ACTR1A: variants seen among roughly 807,000 people sequenced by gnomAD.
ACTR1A encodes actin related protein 1A.
In ACTR1A, 10 loss-of-function variants were observed where a neutral mutation model predicts 50.7. The ratio of observed to expected loss-of-function variants is 0.20; its 90% CI spans 0.12 to 0.33. The LOEUF (loss-of-function observed/expected upper bound fraction) is 0.33. Ranked by LOEUF, ACTR1A falls within the 10% of genes least tolerant of loss-of-function variation. The probability of loss-of-function intolerance (pLI) is 1.00; values close to 1 mark genes in which losing one functional copy is unlikely to be tolerated. For missense variants in ACTR1A, 253 were observed against 491.7 expected (o/e 0.51, Z 4.59); for synonymous variants, 177 against 184.2 (o/e 0.96, Z 0.32).
In ACTR1A at chr10:102,483,244, AGCAGGGGCAG is replaced by A; in HGVS notation, c.658-151_658-142del. ...ATGGTCACTATAGCTGCTGCCCAGAAGCAGGGGCAGTGAGGTCTCTGTTGGCCTTCACTGG... is the reference window on the plus strand; with the variant it reads ...ATGGTCACTATAGCTGCTGCCCAGAATGAGGTCTCTGTTGGCCTTCACTGG... On this transcript the variant is annotated intron_variant, in intron 6 of 10. Coordinates refer to ENST00000369905, the MANE Select transcript of ACTR1A (RefSeq NM_005736.4). The A allele has an allele frequency of 7.1e-6, 5 of 708,508 alleles. 1 individual carries two copies. The South Asian group carries it at 8.2e-5, about 12-fold the overall frequency. 43.9% of individuals were successfully genotyped at this position (708,508 alleles called of 1,614,324 possible). A position where few individuals can be genotyped will look rare whatever the true frequency, so the allele number is the denominator to read the frequency against.
At chr10:102,502,151 G>A (rs777433210) in intron 1 of ACTR1A, among the ~76,000 whole-genome samples, 2 of 152,210 alleles carry the variant, frequency 1.3e-5, no homozygotes, top group South Asian at 2.1e-4. Context: ...GCCCCTTCAA[G>A]AGGGAAAACA....
chr10:102,481,888 G>A lies in ACTR1A; in HGVS notation c.936C>T (p.Asp312=), dbSNP rs995050686. 1.9e-6 allele frequency: 3 copies of A among 1,612,716 alleles called. No individual in the cohort carries two copies. The highest frequency in any genetic ancestry group is 1.7e-6 in the Non-Finnish European group (2 of 1,180,054). ...GGSTLFKGFG[D]RLLSEVKKLA... The stretch of plus-strand genomic sequence containing the variant: ...GTTTCTTCACTTCACTCAGGAGCCT[G>A]TCACCAAAACCTGAATGGGCAAAGA... Residue 312 remains aspartate, a synonymous_variant, in exon 9 of 11, where the codon GAC becomes GAT. Coordinates refer to ENST00000369905, the MANE Select transcript of ACTR1A (RefSeq NM_005736.4).
intron 2 of ACTR1A, among the ~76,000 whole-genome samples, 182 bp from the exon 3 acceptor site, chr10:102,489,320 G>A (rs1176684370): frequency 6.6e-6 from 1 of 151,860 alleles, no homozygotes; most frequent in African/African-American, 2.4e-5. Flanking sequence ...AAATGAACAT[G>A]TATTATTTAT....
chr10:102,485,684 T>C lies in ACTR1A; in HGVS notation c.365A>G (p.Glu122Gly). The C allele has an allele frequency of 3.1e-6, 5 of 1,614,104 alleles. No individual in the cohort carries two copies. The highest frequency in any genetic ancestry group is 4.2e-6 in the Non-Finnish European group (5 of 1,180,028). The change falls in exon 5 of 11, where the codon GAA (glutamate) becomes GGA (glycine). Residue 122 changes from glutamate (E) to glycine (G), a missense_variant. Glu to Gly is a moderately conservative substitution (Grantham distance 98). This residue lies in a region of ACTR1A where 96 missense variants were observed against 238.7 expected (regional missense o/e 0.40). Coordinates refer to ENST00000369905, the MANE Select transcript of ACTR1A (RefSeq NM_005736.4). ...CTCGAAGAAAACTTCGGCAGCTCGT[T>C]CCCGGTTTTTTCGTGGGTTTAAAGG... is the stretch of plus-strand genomic sequence containing the variant. ...EAPLNPRKNR[E>G]RAAEVFFETF...
In ACTR1A at chr10:102,488,122, A is replaced by G. The variant is rs751323231; in HGVS notation, c.315+28T>C. On this transcript the variant is annotated intron_variant, in intron 4 of 10. Coordinates refer to ENST00000369905, the MANE Select transcript of ACTR1A (RefSeq NM_005736.4). This position sits in a 1 kb window ranked among gnomAD's most constrained non-coding sequence, Gnocchi z 4.4. ...TTTGACACAGCTTTGCATACCCTAC[A>G]GGAGTGCCCTACACACAGGATCCTC... The G allele has an allele frequency of 1.2e-6, 2 of 1,602,528 alleles. No homozygotes were observed. Among genetic ancestry groups the G allele is most frequent in the South Asian group, 1.1e-5 (1 of 90,846 alleles).
intron 1 of ACTR1A, among the ~76,000 whole-genome samples, chr10:102,493,296 C>T (rs537990233): frequency 1.3e-5 from 2 of 152,326 alleles, no homozygotes; most frequent in East Asian, 3.9e-4. Flanking sequence ...CTTGTTTGCT[C>T]AGGCTTCCAA....
chr10:102,485,864 C>T, intron 4 of ACTR1A, 131 bp from the exon 5 acceptor site: 1 of 1,289,966 alleles, frequency 7.8e-7, no homozygotes, highest in Non-Finnish European at 1.1e-6. Flanking sequence ...CAAAAAAAGG[C>T]AAGCTGTGCC....
At chr10:102,498,322 CTCTT>C (rs1294102806) in intron 1 of ACTR1A, among the ~76,000 whole-genome samples, 2 of 145,956 alleles carry the variant, frequency 1.4e-5, no homozygotes, top group African/African-American at 5.1e-5. Context: ...ATCTCTCTCT[CTCTT>C]TTTTTTTTTT....
rs774247435 is a variant in ACTR1A at position 102,489,047 on chromosome 10, T to C, written c.189+16A>G. ...CTCTGCTGGCTTAAGGCTTGTTCTG[T>C]AGGCCTGGGAATTACCTCAGCTTTG... On this transcript the variant is annotated intron_variant, in intron 3 of 10. Transcript: ENST00000369905. 9.1e-6 allele frequency: 14 copies of C among 1,540,524 alleles called. No individual in the cohort carries two copies. Among genetic ancestry groups the C allele is most frequent in the Non-Finnish European group, 2.6e-6 (3 of 1,141,174 alleles).
intron 1 of ACTR1A, among the ~76,000 whole-genome samples, chr10:102,498,324 C>CTCT (rs1554840140): frequency 2.7e-4 from 37 of 139,174 alleles, no homozygotes; most frequent in Admixed American, 1.2e-3. Flanking sequence ...CTCTCTCTCT[C>CTCT]TTTTTTTTTT....
At chr10:102,484,453 C>A in intron 5 of ACTR1A, 77 bp from the exon 6 acceptor site, 1 of 1,279,720 alleles carries the variant, frequency 7.8e-7, no homozygotes, top group South Asian at 1.3e-5. Flanking sequence ...ATTTAGGGTT[C>A]AATGTCAGCT....
chr10:102,488,330 T>C lies in ACTR1A; in HGVS notation c.190-55A>G, dbSNP rs2296588. On this transcript the variant is annotated intron_variant, in intron 3 of 10. Transcript: ENST00000369905. The surrounding 1 kb of genome is among the most constrained non-coding windows in gnomAD (Gnocchi z 4.4). ...CAGTCAGGCTCCACCCAGGACCCTG[T>C]TCTCCCAAGACTAAGCAGTGCAAGC... 552,401 of 1,593,140 alleles carry C rather than the reference T, an allele frequency of 0.35. 97,066 individuals are homozygous for C. Among genetic ancestry groups the C allele is most frequent in the Admixed American group, 0.4 (24,033 of 59,660 alleles).
intron 8 of ACTR1A, 41 bp downstream of exon 8, chr10:102,481,960 T>C (rs761261915): frequency 6.2e-7 from 1 of 1,613,902 alleles, no homozygotes; most frequent in Non-Finnish European, 8.5e-7. Flanking sequence ...CAGCAGGAGC[T>C]GAACACTTCC....
intron 2 of ACTR1A, among the ~76,000 whole-genome samples, chr10:102,489,767 T>C (rs533641549): frequency 3.2e-4 from 49 of 152,308 alleles, no homozygotes; most frequent in Non-Finnish European, 5.9e-4. Context: ...TGAGCCGAGA[T>C]TGCGCCACTG....
intron 1 of ACTR1A, among the ~76,000 whole-genome samples, chr10:102,493,574 T>A (rs1297013580): frequency 6.6e-6 from 1 of 152,212 alleles, no homozygotes; most frequent in Non-Finnish European, 1.5e-5. Context: ...ATCATCACCT[T>A]CCTCCTGAAG....
intron 2 of ACTR1A, among the ~76,000 whole-genome samples, chr10:102,489,770 C>A (rs150665130): frequency 0.043 from 6,605 of 152,264 alleles, 461 homozygotes; most frequent in African/African-American, 0.15. Context: ...GCCGAGATTG[C>A]GCCACTGCAC....
In ACTR1A at chr10:102,489,028, T is replaced by C. The variant is rs1400981706; in HGVS notation, c.189+35A>G. The C allele has an allele frequency of 3.4e-6, 5 of 1,471,396 alleles. No homozygotes were observed. The South Asian group carries it at 5.5e-5, about 16-fold the overall frequency. The allele number at this position is 1,471,396 out of a possible 1,614,324, so 91.1% of individuals were successfully genotyped here. ...GTGGTGAATAATGAAGGTCCTCTGC[T>C]GGCTTAAGGCTTGTTCTGTAGGCCT... On this transcript the variant is annotated intron_variant, in intron 3 of 10. Coordinates refer to ENST00000369905, the MANE Select transcript of ACTR1A (RefSeq NM_005736.4).
rs1277948355 is a variant in ACTR1A at position 102,479,435 on chromosome 10, G to A, written c.*1428C>T. 1.5e-5 allele frequency: 6 copies of A among 393,816 alleles called. No homozygotes were observed. The highest frequency in any genetic ancestry group is 1.0e-4 in the South Asian group (5 of 49,822). The allele number at this position is 393,816 out of a possible 1,614,324, so 24.4% of individuals were successfully genotyped here. On this transcript the variant is annotated 3_prime_UTR_variant, in exon 11 of 11. Transcript: ENST00000369905. This position sits in a 1 kb window ranked among gnomAD's most constrained non-coding sequence, Gnocchi z 4.0. ...TGGCAGGGGCCTTTGGTCATAGGAC[G>A]GCGTGGGGGAGAATACTGTGTGAAG...
chr10:102,496,540 C>T (rs2062223469), intron 1 of ACTR1A, among the ~76,000 whole-genome samples: 1 of 152,224 alleles, frequency 6.6e-6, no homozygotes, highest in South Asian at 2.1e-4. Context: ...GCAAAATATA[C>T]ATAATTGAAC....
Sources: gnomAD v4.1 joint callset for allele counts (sites outside exome capture counted in the v4.1 genomes callset) on GRCh38, gnomAD v4.1.1 for gene constraint, gnomAD v4.1.1 regional missense constraint, Gnocchi (gnomAD v3.1) non-coding constraint, MANE v1.5 for transcripts, NCBI Gene and HGNC (gene_info 2026-07-23, HGNC 2026-07-21) for gene names.